The following KANSL1 variants were observed in gnomAD, a reference collection of about 807,000 sequenced individuals.
KANSL1 encodes MLL1/MLL complex subunit KANSL1.
Under a neutral mutation model 103.6 loss-of-function variants are expected in KANSL1, and 22 were observed. The observed-to-expected ratio is 0.21, with a 90% CI of 0.15 to 0.30. The LOEUF (loss-of-function observed/expected upper bound fraction) is 0.30. Ranked by LOEUF, KANSL1 falls within the 10% of genes least tolerant of loss-of-function variation. The pLI is 1.00. For synonymous variants in KANSL1, 600 were observed against 527.6 expected (o/e 1.14, Z -1.88); for missense variants, 1,337 against 1,399.8 (o/e 0.96, Z 0.72).
rs558786606 is a variant in KANSL1 at position 46,167,174 on chromosome 17, T to C, written c.1289+3681A>G. 5.9e-5 allele frequency among the ~76,000 whole-genome samples: 9 copies of C among 151,562 alleles called. No homozygotes were observed. The South Asian group carries it at 1.9e-3, about 31-fold the overall frequency. ...GGAAAAAAAATATTATTTTAACAAG[T>C]AGTTACTATATAGAAGTTTATAAGC... On this transcript the variant is annotated intron_variant, in intron 2 of 14. Transcript: ENST00000432791.
intron 2 of KANSL1, among the ~76,000 whole-genome samples, chr17:46,132,020 G>A (rs538093956): frequency 5.3e-5 from 8 of 150,324 alleles, no homozygotes; most frequent in Non-Finnish European, 1.2e-4. Flanking sequence ...CCAACTACTC[G>A]GGAGGCTGAG....
Position 46,034,328 on chromosome 17 carries a change from C to G in KANSL1, c.2542-43G>C, listed in dbSNP as rs375738524. On this transcript the variant is annotated intron_variant, in intron 10 of 14. Transcript: ENST00000432791. ...AGTTTAAAAGGAAGGTACAATTTTA[C>G]AGACATCAAATCATTCATCTAAGAG... 1.9e-6 allele frequency: 3 copies of G among 1,606,694 alleles called. No homozygotes were observed. The East Asian group carries it at 6.7e-5, about 36-fold the overall frequency.
chr17:46,153,864 A>G (rs1023148654), intron 2 of KANSL1, among the ~76,000 whole-genome samples: 3 of 152,246 alleles, frequency 2.0e-5, no homozygotes, highest in Non-Finnish European at 4.4e-5. Context: ...AGGTAAGAAA[A>G]GAGTGAAAAA....
chr17:46,165,064 G>T (rs975621556), intron 2 of KANSL1, among the ~76,000 whole-genome samples: 10 of 152,270 alleles, frequency 6.6e-5, no homozygotes, highest in African/African-American at 2.4e-4. Flanking sequence ...CTGACATCAC[G>T]CCACTGCACT....
At chr17:46,201,203 C>T (rs1329948599) in intron 1 of KANSL1, among the ~76,000 whole-genome samples, 3 of 152,188 alleles carry the variant, frequency 2.0e-5, no homozygotes, top group Admixed American at 6.5e-5. Context: ...TGAGCCACCA[C>T]GCCCAGCCTA....
At chr17:46,058,729 ACACACACACACACACTCTCTCTCTCT>A (rs1568398469) in intron 6 of KANSL1, among the ~76,000 whole-genome samples, 2 of 73,240 alleles carry the variant, frequency 2.7e-5, no homozygotes, top group Non-Finnish European at 5.6e-5. Flanking sequence ...ACACACACAC[ACACACACACACACACTCTCTCTCTCT>A]CTCTCTCTCT....
In KANSL1 at chr17:46,092,715, T is replaced by TGGG. The variant is rs71138524; in HGVS notation, c.1431+1842_1431+1844dup. Among the ~76,000 whole-genome samples the TGGG allele has an allele frequency of 5.6e-3, 121 of 21,596 alleles. 2 individuals are homozygous for TGGG. Among genetic ancestry groups the TGGG allele is most frequent in the African/African-American group, 0.01 (31 of 2,984 alleles). The allele number at this position is 21,596 out of a possible 152,430, so 14.2% of individuals were successfully genotyped here. The stretch of plus-strand genomic sequence containing the variant: ...AGCTGTTGGGTTGTTTTTTTTTTTT[T>TGGG]GGGGGGGGGGGGGGAGGGTGGGTGT... On this transcript the variant is annotated intron_variant, in intron 3 of 14. Transcript: ENST00000432791.
At chr17:46,056,533 G>C (rs1438587639) in intron 6 of KANSL1, among the ~76,000 whole-genome samples, 1 of 152,136 alleles carries the variant, frequency 6.6e-6, no homozygotes, top group African/African-American at 2.4e-5. Context: ...ACTCACAACA[G>C]TATCTGGCTC....
intron 1 of KANSL1, among the ~76,000 whole-genome samples, chr17:46,178,248 C>CA (rs150532124): frequency 2.0e-5 from 3 of 151,710 alleles, no homozygotes; most frequent in African/African-American, 7.3e-5. Context: ...AAACGAAAAA[C>CA]AAAAAAAGGA....
At chr17:46,165,558 T>G (rs1391189703) in intron 2 of KANSL1, among the ~76,000 whole-genome samples, 1 of 150,106 alleles carries the variant, frequency 6.7e-6, no homozygotes, top group Non-Finnish European at 1.5e-5. Context: ...CCACCCAGGA[T>G]GGAGTGCAGA....
At chr17:46,114,549 A>G (rs2042962160) in intron 2 of KANSL1, among the ~76,000 whole-genome samples, 1 of 152,230 alleles carries the variant, frequency 6.6e-6, no homozygotes, top group African/African-American at 2.4e-5. Context: ...ATTGCTGATA[A>G]CAGCTTACAA....
At chr17:46,160,493 C>A (rs968448686) in intron 2 of KANSL1, among the ~76,000 whole-genome samples, 1 of 152,116 alleles carries the variant, frequency 6.6e-6, no homozygotes, top group Non-Finnish European at 1.5e-5. Context: ...GGGGTTTCGC[C>A]ATGTTACCCA....
intron 1 of KANSL1, among the ~76,000 whole-genome samples, chr17:46,188,643 C>T (rs1190842819): frequency 2.6e-5 from 4 of 152,134 alleles, no homozygotes; most frequent in African/African-American, 4.8e-5. Context: ...AGGTAAAATA[C>T]GCTTCCCAAG....
intron 1 of KANSL1, among the ~76,000 whole-genome samples, chr17:46,220,543 T>A (rs2048499348): frequency 6.6e-6 from 1 of 152,264 alleles, no homozygotes; most frequent in South Asian, 2.1e-4. Flanking sequence ...ATTTAATTTT[T>A]AAAATCTGAT....
intron 4 of KANSL1, among the ~76,000 whole-genome samples, chr17:46,074,581 A>C (rs1023944523): frequency 2.2e-4 from 34 of 151,228 alleles, no homozygotes; most frequent in African/African-American, 8.0e-4. Flanking sequence ...AGCCAGGGCA[A>C]AATGGCAAAA....
chr17:46,174,907 C>T (rs565339862), intron 1 of KANSL1, among the ~76,000 whole-genome samples: 30 of 152,338 alleles, frequency 2.0e-4, no homozygotes, highest in Admixed American at 4.6e-4. Flanking sequence ...CTCCCAGCTT[C>T]AGCCTTCCAA....
At chr17:46,195,619 G>A (rs1331170040), upstream of KANSL1, among the ~76,000 whole-genome samples, 1 of 152,240 alleles carries the variant, frequency 6.6e-6, no homozygotes, top group Non-Finnish European at 1.5e-5. Context: ...CTAGAGTGCA[G>A]TGGTGCAATC....
intron 2 of KANSL1, among the ~76,000 whole-genome samples, chr17:46,101,316 C>A (rs2042303577): frequency 6.6e-6 from 1 of 152,206 alleles, no homozygotes; most frequent in Non-Finnish European, 1.5e-5. Flanking sequence ...GAGACAAGTT[C>A]TCACTTTTAC....
At chr17:46,218,977 T>C (rs2048427877) in intron 1 of KANSL1, among the ~76,000 whole-genome samples, 1 of 151,166 alleles carries the variant, frequency 6.6e-6, no homozygotes, top group South Asian at 2.1e-4. Flanking sequence ...GTGCTGAGAT[T>C]AGGCCGGGCA....
Sources: gnomAD v4.1 joint callset for allele counts (sites outside exome capture counted in the v4.1 genomes callset) on GRCh38, gnomAD v4.1.1 for gene constraint, MANE v1.5 for transcripts, NCBI Gene and HGNC (gene_info 2026-07-23, HGNC 2026-07-21) for gene names.